The following FAM186A variants were observed in gnomAD, a reference collection of about 807,000 sequenced individuals.
FAM186A encodes the protein family with sequence similarity 186 member A, also known as protein FAM186A.
FAM186A carries 163 observed loss-of-function variants against 216.8 expected under a neutral mutation model. The ratio of observed to expected loss-of-function variants is 0.75; its 90% CI spans 0.66 to 0.86. The LOEUF (loss-of-function observed/expected upper bound fraction) is 0.86. Ranked by LOEUF, FAM186A falls within the 40% of genes least tolerant of loss-of-function variation. FAM186A has a pLI of 0.00. For synonymous variants in FAM186A, 805 were observed against 1,025.3 expected (o/e 0.79, Z 4.10); for missense variants, 2,184 against 2,746.2 (o/e 0.80, Z 4.58).
intron 1 of FAM186A, among the ~76,000 whole-genome samples, chr12:50,384,549 T>C (rs962216633): frequency 3.3e-5 from 5 of 152,098 alleles, no homozygotes; most frequent in African/African-American, 9.6e-5. Context: ...CAAAATTCAA[T>C]ACAAAGCCAT....
At chr12:50,371,560 T>C (rs926408842) in intron 1 of FAM186A, among the ~76,000 whole-genome samples, 6 of 152,198 alleles carry the variant, frequency 3.9e-5, no homozygotes, top group East Asian at 3.8e-4. Flanking sequence ...ACAAATACTT[T>C]ATGATTCCAC....
chr12:50,390,493 A>G (rs1943347371), intron 1 of FAM186A, among the ~76,000 whole-genome samples: 1 of 152,206 alleles, frequency 6.6e-6, no homozygotes, highest in South Asian at 2.1e-4. Context: ...AGAATTTAGT[A>G]GGCTTCCTAT....
Position 50,351,292 on chromosome 12 carries a change from C to G in FAM186A, c.5540G>C (p.Gly1847Ala). 6.5e-7 allele frequency: 1 copy of G among 1,539,744 alleles called. No homozygotes were observed. Among genetic ancestry groups the G allele is most frequent in the Non-Finnish European group, 8.8e-7 (1 of 1,142,448 alleles). Residue 1847 changes from glycine (G) to alanine (A), a missense_variant, in exon 4 of 8, where the codon GGA becomes GCA. By Grantham distance (60) the Gly-to-Ala change is moderately conservative. This residue lies in a region of FAM186A where 721 missense variants were observed against 816.4 expected (regional missense o/e 0.88). Coordinates refer to ENST00000327337, the MANE Select transcript of FAM186A (RefSeq NM_001145475.3). ...AGGAGCCCAGAGACTTGGAATCTGTCCAGAAGTGGGTGGAACTCCAGCTAT... is the reference window on the plus strand; with the variant it reads ...AGGAGCCCAGAGACTTGGAATCTGTGCAGAAGTGGGTGGAACTCCAGCTAT... ...PFIAGVPPTSGQIPSLWAPLS... is the reference protein window; with the variant it reads ...PFIAGVPPTSAQIPSLWAPLS...
At chr12:50,376,862 T>G (rs1339803793) in intron 1 of FAM186A, among the ~76,000 whole-genome samples, 1 of 151,828 alleles carries the variant, frequency 6.6e-6, no homozygotes, top group Non-Finnish European at 1.5e-5. Flanking sequence ...CTCCTTCACC[T>G]CCCAAGTAGC....
At chr12:50,390,453 G>A (rs946192280) in intron 1 of FAM186A, among the ~76,000 whole-genome samples, 1 of 152,092 alleles carries the variant, frequency 6.6e-6, no homozygotes, top group Non-Finnish European at 1.5e-5. Context: ...TCATTCGACC[G>A]AGGAATTTCC....
At position 50,353,631 on chromosome 12, in the gene FAM186A, C is replaced by A; in HGVS notation, c.3201G>T (p.Gln1067His). The A allele has an allele frequency of 6.5e-7, 1 of 1,532,910 alleles. No individual in the cohort carries two copies. Among genetic ancestry groups the A allele is most frequent in the Non-Finnish European group, 8.8e-7 (1 of 1,139,470 alleles). The allele number at this position is 1,532,910 out of a possible 1,614,324, so 95.0% of individuals were successfully genotyped here. Residue 1067 changes from glutamine (Q) to histidine (H), a missense_variant, in exon 4 of 8, where the codon CAG becomes CAT. Gln to His is a conservative substitution (Grantham distance 24, BLOSUM62 0). This residue lies in a region of FAM186A where 1,132 missense variants were observed against 1,263.4 expected (regional missense o/e 0.90). Transcript: ENST00000327337. ...TGAGATGAATGCATTTAGTGAGAGG[C>A]TGGCCAGAAATAGGAAGAGCTCCAG... is the stretch of plus-strand genomic sequence containing the variant. ...SLPGALPISG[Q>H]PLTKCIHLTP...
chr12:50,396,142 G>A (rs900576167), intron 1 of FAM186A, 151 bp downstream of exon 1: 4 of 595,518 alleles, frequency 6.7e-6, no homozygotes, highest in East Asian at 3.0e-5. Flanking sequence ...ATCCACAGTC[G>A]GTGTCAGGTG....
At position 50,351,918 on chromosome 12, in the gene FAM186A, A is replaced by G. The variant is rs1193040052; in HGVS notation, c.4914T>C (p.Thr1638=). ...GTGCCTGGGCCTGCTGAGGGGTGAG[A>G]GTGATCCCCTGAGCCTGCGCCTGCT... The part of the protein sequence containing the change: ...TPQQAQAQGI[T]LTPQQAQALG... The change falls in exon 4 of 8, where the codon ACT becomes ACC. Residue 1638 remains threonine, a synonymous_variant. Transcript: ENST00000327337. 1 of 1,537,222 alleles carries G rather than the reference A, an allele frequency of 6.5e-7. No individual in the cohort carries two copies. Among genetic ancestry groups the G allele is most frequent in the Non-Finnish European group, 8.8e-7 (1 of 1,138,716 alleles).
chr12:50,388,517 G>A (rs1278566389), intron 1 of FAM186A, among the ~76,000 whole-genome samples: 1 of 151,906 alleles, frequency 6.6e-6, no homozygotes, highest in African/African-American at 2.4e-5. Flanking sequence ...TACTTAGGAG[G>A]CTGAGGCAGG....
intron 1 of FAM186A, among the ~76,000 whole-genome samples, chr12:50,375,382 G>A (rs1016547181): frequency 2.6e-5 from 4 of 151,356 alleles, no homozygotes; most frequent in East Asian, 3.9e-4. Context: ...ACCCTGTCTC[G>A]ACTAAAAATA....
At chr12:50,337,355 C>A (rs1473195830) in intron 4 of FAM186A, among the ~76,000 whole-genome samples, 1 of 134,912 alleles carries the variant, frequency 7.4e-6, no homozygotes, top group Admixed American at 8.2e-5. Context: ...AGTGCAGTGG[C>A]GCGATCTTGG....
At chr12:50,332,540 A>T (rs961369144) in intron 5 of FAM186A, among the ~76,000 whole-genome samples, 2 of 151,864 alleles carry the variant, frequency 1.3e-5, no homozygotes, top group Non-Finnish European at 2.9e-5. Context: ...CCCATACCTC[A>T]TCCTCTGGAT....
chr12:50,330,384 T>G (rs1012431723), intron 7 of FAM186A, among the ~76,000 whole-genome samples, 189 bp downstream of exon 7: 1 of 152,192 alleles, frequency 6.6e-6, no homozygotes, highest in African/African-American at 2.4e-5. Context: ...TATAGGCCTA[T>G]GATTAGAAAC....
At chr12:50,334,468 C>A (rs1452274640) in intron 4 of FAM186A, among the ~76,000 whole-genome samples, 1 of 151,606 alleles carries the variant, frequency 6.6e-6, no homozygotes, top group African/African-American at 2.4e-5. Flanking sequence ...CTGAGCATGG[C>A]CTCTTTTTAA....
intron 1 of FAM186A, among the ~76,000 whole-genome samples, chr12:50,386,071 A>G (rs1368560278): frequency 6.6e-6 from 1 of 152,196 alleles, no homozygotes; most frequent in South Asian, 2.1e-4. Context: ...ACTATAGTTA[A>G]TAACAATACA....
intron 4 of FAM186A, among the ~76,000 whole-genome samples, chr12:50,345,326 C>T (rs1942801920): frequency 2.0e-5 from 3 of 152,066 alleles, no homozygotes; most frequent in Non-Finnish European, 2.9e-5. Context: ...ATGGCTTGAA[C>T]TCAGGAGGCA....
chr12:50,350,467 G>A lies in FAM186A; in HGVS notation c.6365C>T (p.Ala2122Val). ...TGAAGGGAGTCCACAAGTTTTTATA[G>A]CCTGATTTAATAGTATCAGGTTCTT... ...QKKNLILLNQ[A>V]IKTCGLPSQL... The change falls in exon 4 of 8, where the codon GCT becomes GTT. Residue 2122 changes from alanine (A) to valine (V), a missense_variant. Transcript: ENST00000327337. 6.4e-7 allele frequency: 1 copy of A among 1,551,574 alleles called. No homozygotes were observed. The highest frequency in any genetic ancestry group is 8.7e-7 in the Non-Finnish European group (1 of 1,146,984).
Position 50,330,654 on chromosome 12 carries a change from C to A in FAM186A, c.6953G>T (p.Gly2318Val). The A allele has an allele frequency of 1.3e-6, 2 of 1,550,606 alleles. No homozygotes were observed. Among genetic ancestry groups the A allele is most frequent in the Non-Finnish European group, 8.7e-7 (1 of 1,146,546 alleles). The stretch of plus-strand genomic sequence containing the variant: ...CAGCCTGGGAATATCTGGGTACCCA[C>A]CCAGCTGGGCCCAGAGTGAATGCAT... ...TSMHSLWAQL[G>V]GYPDIPRLLQ... The change falls in exon 7 of 8, where the codon GGT becomes GTT. Residue 2318 changes from glycine (G) to valine (V), a missense_variant. Physicochemically the swap from Gly to Val is moderately radical, Grantham distance 109. Around this residue, in one of 7 missense-constraint regions of FAM186A, gnomAD observed 721 missense variants for 816.4 expected, o/e 0.88. Transcript: ENST00000327337.
intron 1 of FAM186A, among the ~76,000 whole-genome samples, chr12:50,390,125 A>G (rs1465933541): frequency 2.6e-5 from 4 of 152,158 alleles, no homozygotes; most frequent in African/African-American, 9.6e-5. Flanking sequence ...TTTCACTGTG[A>G]GATGGGCCTG....
Sources: gnomAD v4.1 joint callset for allele counts (sites outside exome capture counted in the v4.1 genomes callset) on GRCh38, gnomAD v4.1.1 for gene constraint, gnomAD v4.1.1 regional missense constraint, MANE v1.5 for transcripts, NCBI Gene and HGNC (gene_info 2026-07-23, HGNC 2026-07-21) for gene names.